Variants in TSTD2 observed in about 807,000 individuals in gnomAD.
TSTD2 encodes thiosulfate sulfurtransferase/rhodanese-like domain-containing protein 2.
Under a neutral mutation model 47.9 loss-of-function variants are expected in TSTD2, and 37 were observed. The ratio of observed to expected loss-of-function variants is 0.77; its 90% CI spans 0.59 to 1.02. The LOEUF is 1.02. Among genes scored for constraint, TSTD2 ranks in the 50% least tolerant of loss-of-function variants. The pLI is 0.00. For synonymous variants in TSTD2, 201 were observed against 215.9 expected, an observed-to-expected ratio of 0.93 and a Z score of 0.61; for missense variants, 586 against 616.0, an observed-to-expected ratio of 0.95 and a Z score of 0.52.
intron 9 of TSTD2, among the ~76,000 whole-genome samples, chr9:97,603,795 G>A (rs1031093864): frequency 6.6e-6 from 1 of 152,120 alleles, no homozygotes; most frequent in African/African-American, 2.4e-5. Flanking sequence ...AACCTCCCGG[G>A]CTCAAGCAAT....
intron 3 of TSTD2, among the ~76,000 whole-genome samples, chr9:97,618,129 C>T (rs1184745666): frequency 6.6e-6 from 1 of 152,216 alleles, no homozygotes; most frequent in Non-Finnish European, 1.5e-5. Context: ...TTAATGGTCA[C>T]ATCCAAGAGA....
At chr9:97,611,517 A>G in intron 5 of TSTD2, 57 bp downstream of exon 5, 2 of 1,525,084 alleles carry the variant, frequency 1.3e-6, no homozygotes, top group Non-Finnish European at 1.8e-6. Context: ...CTTCAATAAC[A>G]TGCACAGAGG....
intron 4 of TSTD2, among the ~76,000 whole-genome samples, chr9:97,615,960 G>C (rs1826535657): frequency 6.6e-6 from 1 of 151,862 alleles, no homozygotes; most frequent in Non-Finnish European, 1.5e-5. Context: ...GACTATGGGA[G>C]GTCACAGATA....
chr9:97,602,154 G>A lies in TSTD2; in HGVS notation c.*315C>T, dbSNP rs920198988. ...CTGACAAGGGCAATGACTACTAACA[G>A]CCCCAGCTGCATGGAACAGAAAGGG... On this transcript the variant is annotated 3_prime_UTR_variant, in exon 10 of 10. Coordinates refer to ENST00000341170, the MANE Select transcript of TSTD2 (RefSeq NM_139246.5). 2.5e-4 allele frequency: 69 copies of A among 271,386 alleles called. No individual in the cohort carries two copies. Among genetic ancestry groups the A allele is most frequent in the African/African-American group, 1.3e-3 (60 of 45,584 alleles). The allele number at this position is 271,386 out of a possible 1,614,324, so 16.8% of individuals were successfully genotyped here.
chr9:97,630,124 T>C (rs1207922279), intron 1 of TSTD2, among the ~76,000 whole-genome samples: 3 of 152,152 alleles, frequency 2.0e-5, no homozygotes, highest in African/African-American at 7.2e-5. Context: ...AGTTTCCCTA[T>C]ACTCTAGGCT....
chr9:97,611,669 TC>T lies in TSTD2; in HGVS notation c.633del (p.Thr212GlnfsTer80), dbSNP rs777536977. ...KIRIAAEGIN[G>X]TVGGSKLATR... ...GTAGCCAATTTGCTTCCACCAACTG[TC>T]CCATTGATTCCTTCTGCAGCAATTC... On this transcript the variant is annotated frameshift_variant, in exon 5 of 10. Transcript: ENST00000341170. LOFTEE classifies it high-confidence loss of function. The T allele has an allele frequency of 1.2e-6, 2 of 1,610,570 alleles. No homozygotes were observed. Among genetic ancestry groups the T allele is most frequent in the Non-Finnish European group, 8.5e-7 (1 of 1,176,980 alleles).
intron 5 of TSTD2, 94 bp from the exon 6 acceptor site, chr9:97,610,545 A>C (rs1826441254): frequency 1.1e-6 from 1 of 918,928 alleles, no homozygotes; most frequent in Non-Finnish European, 1.6e-6. Flanking sequence ...CTGTTTTGTA[A>C]TAACAATAGC....
At chr9:97,613,569 A>G (rs2131310286) in intron 4 of TSTD2, among the ~76,000 whole-genome samples, 1 of 152,248 alleles carries the variant, frequency 6.6e-6, no homozygotes, top group South Asian at 2.1e-4. Flanking sequence ...TTTTCGTACT[A>G]CAAAATCCTG....
chr9:97,609,253 T>C (rs1219365496), intron 6 of TSTD2, among the ~76,000 whole-genome samples: 3 of 152,248 alleles, frequency 2.0e-5, no homozygotes, highest in Non-Finnish European at 4.4e-5. Flanking sequence ...AAGACATGGC[T>C]ACTAGAAAAT....
In TSTD2 at chr9:97,601,908, G is replaced by A. The variant is rs1185321399; in HGVS notation, c.*561C>T. ...CACTGTGGGACTTGAGTATGCATTG[G>A]GTTTTTGTATACTCAGGCGTTCTGG... On this transcript the variant is annotated 3_prime_UTR_variant, in exon 10 of 10. Coordinates refer to ENST00000341170, the MANE Select transcript of TSTD2 (RefSeq NM_139246.5). 1 of 152,440 alleles carries A rather than the reference G, an allele frequency of 6.6e-6. No individual in the cohort carries two copies. The highest frequency in any genetic ancestry group is 1.5e-5 in the Non-Finnish European group (1 of 68,306). 9.4% of individuals were successfully genotyped at this position (152,440 alleles called of 1,614,324 possible).
At chr9:97,620,021 T>C (rs2131313979) in intron 3 of TSTD2, among the ~76,000 whole-genome samples, 1 of 152,340 alleles carries the variant, frequency 6.6e-6, no homozygotes, top group South Asian at 2.1e-4. Context: ...TCCTAAAACA[T>C]ATTCAGCTCA....
intron 5 of TSTD2, 86 bp from the exon 6 acceptor site, chr9:97,610,537 G>T: frequency 2.0e-6 from 2 of 993,046 alleles, no homozygotes; most frequent in Non-Finnish European, 2.8e-6. Context: ...ATGATGGTCT[G>T]TTTTGTAATA....
At chr9:97,608,438 C>T (rs892846767) in intron 6 of TSTD2, among the ~76,000 whole-genome samples, 8 of 152,006 alleles carry the variant, frequency 5.3e-5, no homozygotes, top group African/African-American at 1.9e-4. Context: ...GAGTTTGAGA[C>T]CAGCCTGGCC....
chr9:97,629,260 G>A (rs1306006416), intron 1 of TSTD2, among the ~76,000 whole-genome samples: 11 of 152,212 alleles, frequency 7.2e-5, no homozygotes, highest in Admixed American at 5.2e-4. Flanking sequence ...AGCAGTTTAT[G>A]TGTGGGGGAA....
chr9:97,606,241 C>A lies in TSTD2; in HGVS notation c.856G>T (p.Glu286Ter). ...KKPGIHLSPGEFHKEVEKFLS... is the reference protein window; with the variant it reads ...KKPGIHLSPG ...AACTTTTCTACTTCTTTATGAAATT[C>A]ACCTGGGGATAAATGGATTCCTAAA... The change falls in exon 7 of 10, where the codon GAA (glutamate) becomes TAA (stop). Residue 286 changes from glutamate to a stop codon, truncating the protein, a stop_gained. Transcript: ENST00000341170. LOFTEE classifies it high-confidence loss of function. 3 of 1,607,096 alleles carry A rather than the reference C, an allele frequency of 1.9e-6. No homozygotes were observed. Among genetic ancestry groups the A allele is most frequent in the Non-Finnish European group, 2.5e-6 (3 of 1,176,624 alleles).
chr9:97,621,096 GGC>G, intron 3 of TSTD2, among the ~76,000 whole-genome samples: 1 of 152,248 alleles, frequency 6.6e-6, no homozygotes, highest in South Asian at 2.1e-4. Flanking sequence ...CTGAAGCTGT[GGC>G]AGAAGAACAT....
chr9:97,624,354 T>C (rs1251912028), intron 3 of TSTD2, among the ~76,000 whole-genome samples: 1 of 152,050 alleles, frequency 6.6e-6, no homozygotes, highest in African/African-American at 2.4e-5. Context: ...ATGGAGGCCT[T>C]TGACTAAAAG....
intron 6 of TSTD2, 40 bp from the exon 7 acceptor site, chr9:97,606,301 A>G: frequency 2.3e-6 from 3 of 1,331,436 alleles, no homozygotes; most frequent in Non-Finnish European, 3.1e-6. Flanking sequence ...AACAAAGACA[A>G]AAAAACCAAA....
chr9:97,632,031 G>C (rs1420744223), intron 1 of TSTD2, among the ~76,000 whole-genome samples: 1 of 151,948 alleles, frequency 6.6e-6, no homozygotes, highest in Non-Finnish European at 1.5e-5. Context: ...AAGAGAGCAG[G>C]GGTTTTCCTT....
Sources: allele counts gnomAD v4.1 joint callset (sites outside exome capture counted in the v4.1 genomes callset), GRCh38; gene constraint gnomAD v4.1.1; transcripts MANE v1.5; gene names NCBI Gene and HGNC (gene_info 2026-07-23, HGNC 2026-07-21).